The following IQCK variants were observed in gnomAD, a reference collection of about 807,000 sequenced individuals.
The protein encoded by IQCK is IQ motif containing K.
A neutral mutation model predicts 28.1 loss-of-function variants in IQCK; 29 were observed. The ratio of observed to expected loss-of-function variants is 1.03; its 90% CI spans 0.77 to 1.41. The LOEUF (loss-of-function observed/expected upper bound fraction) is 1.41, where lower values mean the gene tolerates loss of function less well. IQCK is among the 40% of genes most tolerant of loss of function. The pLI is 0.00. For synonymous variants in IQCK, 113 were observed against 115.1 expected (o/e 0.98, Z 0.12); for missense variants, 359 against 314.7 (o/e 1.14, Z -1.07).
chr16:19,742,289 A>G (rs2054848293), intron 4 of IQCK, among the ~76,000 whole-genome samples: 1 of 152,200 alleles, frequency 6.6e-6, no homozygotes, highest in South Asian at 2.1e-4. Flanking sequence ...CAAGGTGGGT[A>G]AATTACTATT....
chr16:19,826,527 G>A (rs916206317), intron 7 of IQCK, among the ~76,000 whole-genome samples: 4 of 152,078 alleles, frequency 2.6e-5, no homozygotes, highest in Admixed American at 6.6e-5. Context: ...ACAGGCACCC[G>A]CCACCGCACT....
chr16:19,736,984 CAAA>C (rs55687544), intron 4 of IQCK, among the ~76,000 whole-genome samples: 3 of 67,060 alleles, frequency 4.5e-5, no homozygotes, highest in Admixed American at 1.8e-4. Context: ...CCGGTATTTA[CAAA>C]AAAAAAAAAA....
chr16:19,826,533 G>A (rs528025949), intron 7 of IQCK, among the ~76,000 whole-genome samples: 2 of 151,898 alleles, frequency 1.3e-5, no homozygotes, highest in South Asian at 2.1e-4. Flanking sequence ...ACCCGCCACC[G>A]CACTCAGCTA....
chr16:19,819,212 G>C (rs1402050825), intron 7 of IQCK, among the ~76,000 whole-genome samples: 1 of 152,190 alleles, frequency 6.6e-6, no homozygotes. Context: ...TCCACAGGGG[G>C]CTGGGTGTGT....
intron 7 of IQCK, among the ~76,000 whole-genome samples, chr16:19,817,618 TTTG>T (rs773547662): frequency 7.2e-5 from 11 of 152,072 alleles, no homozygotes; most frequent in South Asian, 4.1e-4. Context: ...TGTTTCTGTT[TTTG>T]TTGTTGTTGT....
chr16:19,816,563 C>T (rs768809676), intron 7 of IQCK, among the ~76,000 whole-genome samples: 11 of 152,192 alleles, frequency 7.2e-5, no homozygotes, highest in Non-Finnish European at 1.2e-4. Context: ...ATTACTCAGG[C>T]GTGAGCCACC....
At chr16:19,846,460 C>T (rs1200123448) in intron 9 of IQCK, among the ~76,000 whole-genome samples, 1 of 152,178 alleles carries the variant, frequency 6.6e-6, no homozygotes, top group African/African-American at 2.4e-5. Context: ...CTTGATAATC[C>T]CATGGTTCTG....
intron 9 of IQCK, among the ~76,000 whole-genome samples, chr16:19,844,310 C>T (rs1210101772): frequency 1.3e-5 from 2 of 152,166 alleles, no homozygotes; most frequent in Non-Finnish European, 2.9e-5. Flanking sequence ...AACTCCTGAC[C>T]TCAGGTGATC....
intron 6 of IQCK, among the ~76,000 whole-genome samples, chr16:19,780,502 A>G (rs551153859): frequency 6.6e-6 from 1 of 152,268 alleles, no homozygotes; most frequent in East Asian, 1.9e-4. Flanking sequence ...CTTAGTCTTC[A>G]GTCTCCAGCT....
intron 4 of IQCK, among the ~76,000 whole-genome samples, chr16:19,739,145 G>A (rs1438356399): frequency 6.6e-6 from 1 of 152,184 alleles, no homozygotes; most frequent in African/African-American, 2.4e-5. Flanking sequence ...GCCCTTGCAG[G>A]TGGAACTGGG....
chr16:19,730,907 C>T lies in IQCK; in HGVS notation c.246+413C>T, dbSNP rs547130718. Among the ~76,000 whole-genome samples the T allele has an allele frequency of 4.1e-4, 63 of 152,064 alleles. 3 individuals are homozygous for T. In the South Asian group the frequency reaches 0.013, roughly 31 times the overall value. On this transcript the variant is annotated intron_variant, in intron 2 of 7. Transcript: ENST00000564186. ...CGCCACCGTGCTTGGGATTTTTTGT[C>T]GAGACGGGGTTTCACCATGTTGTCC...
intron 1 of IQCK, among the ~76,000 whole-genome samples, chr16:19,728,423 T>C (rs781439163): frequency 1.3e-5 from 2 of 152,152 alleles, no homozygotes; most frequent in Non-Finnish European, 2.9e-5. Flanking sequence ...CTAATTTTTG[T>C]ATTTTTAGTA....
At chr16:19,759,082 C>G (rs1412019368) in intron 4 of IQCK, among the ~76,000 whole-genome samples, 1 of 152,146 alleles carries the variant, frequency 6.6e-6, no homozygotes, top group African/African-American at 2.4e-5. Flanking sequence ...TTGTAAATAT[C>G]AGAACCTGTG....
chr16:19,820,477 G>A (rs1213570195), intron 7 of IQCK, among the ~76,000 whole-genome samples: 3 of 151,922 alleles, frequency 2.0e-5, no homozygotes, highest in African/African-American at 2.4e-5. Flanking sequence ...GTGAAACCCC[G>A]TCTCTACTAA....
intron 6 of IQCK, among the ~76,000 whole-genome samples, chr16:19,782,905 CAT>C (rs1335823146): frequency 6.6e-6 from 1 of 152,102 alleles, no homozygotes; most frequent in African/African-American, 2.4e-5. Flanking sequence ...TATGCGCACA[CAT>C]GTGCACATAC....
rs1567527156 is a variant in IQCK, at chr16:19,718,311, CG to C, written c.7del (p.Ala3HisfsTer9). ...GTTACCGTGGAAACCGCGGCCATGGCGGCACCGCGGCAAATCCCCAGCCACA... is the reference window on the plus strand; with the variant it reads ...GTTACCGTGGAAACCGCGGCCATGGCGCACCGCGGCAAATCCCCAGCCACA... On this transcript the variant is annotated frameshift_variant, in exon 1 of 8. Coordinates refer to ENST00000564186, the Ensembl canonical transcript of IQCK. LOFTEE classifies it high-confidence loss of function. The C allele has an allele frequency of 1.2e-6, 2 of 1,604,634 alleles. No homozygotes were observed. The highest frequency in any genetic ancestry group is 8.5e-7 in the Non-Finnish European group (1 of 1,176,714).
intron 6 of IQCK, among the ~76,000 whole-genome samples, chr16:19,776,032 C>T (rs1422498188): frequency 6.6e-6 from 1 of 152,086 alleles, no homozygotes; most frequent in East Asian, 1.9e-4. Flanking sequence ...AGGCACCCAA[C>T]ACCATGCCTG....
chr16:19,856,401 C>T, intron 9 of IQCK, 86 bp from the exon 9 acceptor site: 1 of 1,090,098 alleles, frequency 9.2e-7, no homozygotes, highest in South Asian at 1.4e-5. Flanking sequence ...CTGACCTTGT[C>T]CACACATCAG....
At chr16:19,832,772 C>T (rs940600591) in intron 9 of IQCK, among the ~76,000 whole-genome samples, 1 of 152,070 alleles carries the variant, frequency 6.6e-6, no homozygotes, top group Non-Finnish European at 1.5e-5. Flanking sequence ...TCTCAGGAAA[C>T]TTAAAATCAT....
Sources: gnomAD v4.1 joint callset for allele counts (sites outside exome capture counted in the v4.1 genomes callset) on GRCh38, gnomAD v4.1.1 for gene constraint, MANE v1.5 for transcripts, NCBI Gene and HGNC (gene_info 2026-07-23, HGNC 2026-07-21) for gene names.